The following CDK14 variants were observed in gnomAD, a reference collection of about 807,000 sequenced individuals.
The protein encoded by CDK14 is cyclin-dependent kinase 14.
Under a neutral mutation model 60.7 loss-of-function variants are expected in CDK14, and 34 were observed. The observed-to-expected ratio is 0.56, with a 90% CI of 0.43 to 0.75. CDK14 has a LOEUF of 0.75. CDK14 is among the 30% of genes least tolerant of loss of function. CDK14 has a pLI of 0.00. For synonymous variants in CDK14, 197 were observed against 203.7 expected (o/e 0.97, Z 0.28); for missense variants, 482 against 564.1 (o/e 0.85, Z 1.47).
chr7:90,918,098 A>G (rs533815178), intron 8 of CDK14, among the ~76,000 whole-genome samples: 18 of 152,324 alleles, frequency 1.2e-4, no homozygotes, highest in African/African-American at 4.3e-4. Flanking sequence ...AAATAATATA[A>G]TGAACTTCAA....
Position 90,649,805 on chromosome 7 carries a change from G to A in CDK14, c.123+45556G>A, listed in dbSNP as rs539468721. On this transcript the variant is annotated intron_variant, in intron 2 of 14. Transcript: ENST00000380050. Reference sequence around the variant, plus strand: ...GGACGTGAACTCATCCTTTTTTATGGCTGCATAGTATTCCATGGTGTATAT... The same window carrying A: ...GGACGTGAACTCATCCTTTTTTATGACTGCATAGTATTCCATGGTGTATAT... 5.2e-4 allele frequency among the ~76,000 whole-genome samples: 79 copies of A among 152,132 alleles called. 1 individual carries two copies. The South Asian group carries it at 0.014, about 27-fold the overall frequency.
At chr7:90,710,656 C>T (rs1802027502) in intron 2 of CDK14, 1 of 569,860 alleles carries the variant, frequency 1.8e-6, no homozygotes, top group African/African-American at 2.0e-5. Context: ...CGTGAAGTGC[C>T]AGCTCTAATA....
chr7:90,650,288 C>T (rs1800602566), intron 2 of CDK14, among the ~76,000 whole-genome samples: 1 of 152,048 alleles, frequency 6.6e-6, no homozygotes, highest in South Asian at 2.1e-4. Flanking sequence ...GTCCTTTGCC[C>T]ACTTTTTGAC....
intron 2 of CDK14, among the ~76,000 whole-genome samples, chr7:90,612,625 A>G (rs1799565187): frequency 6.6e-6 from 1 of 152,082 alleles, no homozygotes; most frequent in South Asian, 2.1e-4. Context: ...TATAAAAATT[A>G]GCTGGGTGTG....
intron 5 of CDK14, among the ~76,000 whole-genome samples, chr7:90,811,546 CA>C (rs541915629): frequency 6.6e-6 from 1 of 152,030 alleles, no homozygotes; most frequent in Non-Finnish European, 1.5e-5. Flanking sequence ...CCATTCAGGA[CA>C]TAGGCATGGG....
chr7:90,820,700 C>G (rs574720364), intron 5 of CDK14, among the ~76,000 whole-genome samples: 1 of 152,256 alleles, frequency 6.6e-6, no homozygotes, highest in African/African-American at 2.4e-5. Context: ...CCTTATGGAA[C>G]AAGTTGTCAC....
chr7:90,824,827 T>C (rs1789667738), intron 5 of CDK14: 1 of 152,208 alleles, frequency 6.6e-6, no homozygotes, highest in Non-Finnish European at 1.5e-5. Context: ...AATAATATGA[T>C]GATATAGCAA....
chr7:91,132,742 C>T (rs1489128902), intron 14 of CDK14, among the ~76,000 whole-genome samples: 3 of 151,980 alleles, frequency 2.0e-5, no homozygotes, highest in Non-Finnish European at 2.9e-5. Context: ...CCAGCCATGA[C>T]ATTTTAAATT....
chr7:90,688,312 A>G (rs4557624), intron 2 of CDK14, among the ~76,000 whole-genome samples: 88,128 of 151,884 alleles, frequency 0.58, 25,795 homozygotes, highest in East Asian at 0.77. Flanking sequence ...GTCAGTATTG[A>G]CACCTGAGAA....
chr7:90,842,476 G>A (rs1346568684), intron 5 of CDK14, among the ~76,000 whole-genome samples: 2 of 152,182 alleles, frequency 1.3e-5, no homozygotes, highest in Admixed American at 6.5e-5. Flanking sequence ...CAGAAAGGAA[G>A]GGTGTTAGGA....
intron 6 of CDK14, among the ~76,000 whole-genome samples, chr7:90,872,257 C>T (rs1236097927): frequency 6.6e-6 from 1 of 152,124 alleles, no homozygotes; most frequent in Non-Finnish European, 1.5e-5. Context: ...AGATTTGTCT[C>T]ATAGGCTTTT....
At chr7:90,728,102 T>C (rs1040663683) in intron 3 of CDK14, among the ~76,000 whole-genome samples, 1 of 152,120 alleles carries the variant, frequency 6.6e-6, no homozygotes, top group Non-Finnish European at 1.5e-5. Flanking sequence ...TTTATTGTTT[T>C]CTAGGTGCCT....
intron 9 of CDK14, among the ~76,000 whole-genome samples, chr7:90,964,023 T>G (rs1164182456): frequency 3.3e-5 from 5 of 152,104 alleles, no homozygotes; most frequent in Non-Finnish European, 5.9e-5. Flanking sequence ...CGACAAAGGT[T>G]TTTAAAGGAA....
At chr7:91,037,382 G>A (rs1018680521) in intron 10 of CDK14, among the ~76,000 whole-genome samples, 1 of 151,972 alleles carries the variant, frequency 6.6e-6, no homozygotes, top group African/African-American at 2.4e-5. Context: ...TGCATCACAT[G>A]TCTTATAGAC....
At chr7:91,188,188 T>C (rs1238199890) in intron 14 of CDK14, among the ~76,000 whole-genome samples, 3 of 152,092 alleles carry the variant, frequency 2.0e-5, no homozygotes, top group African/African-American at 7.2e-5. Context: ...ATTCATTTTT[T>C]TTTAAAAAAA....
At chr7:90,648,608 C>T (rs914275611) in intron 2 of CDK14, among the ~76,000 whole-genome samples, 1 of 152,100 alleles carries the variant, frequency 6.6e-6, no homozygotes, top group African/African-American at 2.4e-5. Context: ...ATACTCACTT[C>T]TCTCAGGGCC....
intron 2 of CDK14, among the ~76,000 whole-genome samples, chr7:90,663,083 A>G (rs1800894977): frequency 8.1e-6 from 1 of 123,104 alleles, no homozygotes; most frequent in African/African-American, 3.0e-5. Flanking sequence ...GGGTGATTGG[A>G]ACTAAGATGG....
At chr7:90,959,218 A>G (rs1187242119) in intron 9 of CDK14, among the ~76,000 whole-genome samples, 1 of 152,140 alleles carries the variant, frequency 6.6e-6, no homozygotes, top group Non-Finnish European at 1.5e-5. Context: ...AAGATTATTC[A>G]TTGCCAGAAC....
intron 5 of CDK14, among the ~76,000 whole-genome samples, chr7:90,844,281 C>T (rs150445024): frequency 1.8e-3 from 279 of 152,290 alleles, no homozygotes; most frequent in Non-Finnish European, 3.5e-3. Flanking sequence ...CCCTGACCTT[C>T]GTCAAGGAAT....
Sources: allele counts gnomAD v4.1 joint callset (sites outside exome capture counted in the v4.1 genomes callset), GRCh38; gene constraint gnomAD v4.1.1; transcripts MANE v1.5; gene names NCBI Gene and HGNC (gene_info 2026-07-23, HGNC 2026-07-21).